WDR37: variants seen among roughly 807,000 people sequenced by gnomAD.
WDR37 encodes the protein WD repeat domain 37.
Under a neutral mutation model 62.9 loss-of-function variants are expected in WDR37, and 19 were observed. The ratio of observed to expected loss-of-function variants is 0.30; its 90% CI spans 0.21 to 0.44. WDR37 has a LOEUF of 0.44. Ranked by LOEUF, WDR37 falls within the 20% of genes least tolerant of loss-of-function variation. The pLI, the probability that WDR37 is intolerant of heterozygous loss-of-function variation, is 1.00. For missense variants in WDR37, 474 were observed against 657.6 expected (o/e 0.72, Z 3.05); for synonymous variants, 250 against 260.9 (o/e 0.96, Z 0.40).
chr10:1,124,971 CTGTT>C lies in WDR37; in HGVS notation c.1303_1306del (p.Phe435IlefsTer66). ...CCCCCATGACAACCGACAAGTGAGA[CTGTT>C]TGATATGTCAGGAGTGCGCCTGGCG... On this transcript the variant is annotated frameshift_variant, in exon 13 of 14. Coordinates refer to ENST00000263150, the MANE Select transcript of WDR37 (RefSeq NM_014023.4). LOFTEE classifies it high-confidence loss of function. 1.9e-6 allele frequency: 3 copies of C among 1,614,234 alleles called. No individual in the cohort carries two copies. Among genetic ancestry groups the C allele is most frequent in the South Asian group, 1.1e-5 (1 of 91,086 alleles).
chr10:1,093,808 C>A (rs899237258), intron 8 of WDR37, among the ~76,000 whole-genome samples: 1 of 152,164 alleles, frequency 6.6e-6, no homozygotes, highest in Non-Finnish European at 1.5e-5. Flanking sequence ...CTCCTTGAGG[C>A]CCTGTGGTTA....
intron 2 of WDR37, 124 bp downstream of exon 2, chr10:1,072,417 T>A: frequency 7.7e-7 from 1 of 1,304,514 alleles, no homozygotes; most frequent in Non-Finnish European, 1.1e-6. Context: ...TGGGTGGAAG[T>A]GATTCTCCTG....
Position 1,080,452 on chromosome 10 carries a change from C to A in WDR37, c.372C>A (p.Thr124=). The A allele has an allele frequency of 1.9e-6, 3 of 1,614,186 alleles. No homozygotes were observed. Among genetic ancestry groups the A allele is most frequent in the Non-Finnish European group, 2.5e-6 (3 of 1,180,028 alleles). ...GCCAGCTCTCCCAGAAACTGAAGAC[C>A]ACTTACAAGGCTTCCACCAGCAAGG... ...STSQLSQKLK[T]TYKASTSKIV... The change falls in exon 5 of 14, where the codon ACC becomes ACA. Residue 124 remains threonine, a synonymous_variant. Coordinates refer to ENST00000263150, the MANE Select transcript of WDR37 (RefSeq NM_014023.4).
At chr10:1,124,197 C>T in intron 11 of WDR37, 21 bp from the exon 12 acceptor site, 1 of 1,614,054 alleles carries the variant, frequency 6.2e-7, no homozygotes. Flanking sequence ...TTGCATCTGA[C>T]TCTGTGCCCT....
In WDR37 at chr10:1,096,610, TA is replaced by T. The variant is rs1347863435; in HGVS notation, c.726+367del. On this transcript the variant is annotated intron_variant, in intron 9 of 13. Transcript: ENST00000263150. ...TCCAGCCTCCAGCACTGTGAGAAAA[TA>T]AATGTCTGTTTTTTATGCGTCGCCC... 2.5e-5 allele frequency: 6 copies of T among 243,288 alleles called. No individual in the cohort carries two copies. In the South Asian group the frequency reaches 4.8e-4, roughly 19 times the overall value. The allele number at this position is 243,288 out of a possible 1,614,324, so 15.1% of individuals were successfully genotyped here.
At chr10:1,078,047 C>G (rs1385614958) in intron 3 of WDR37, 44 bp downstream of exon 3, 2 of 1,433,144 alleles carry the variant, frequency 1.4e-6, no homozygotes, top group East Asian at 4.6e-5. Flanking sequence ...CTTTACCTAT[C>G]CATAGTCAAA....
At chr10:1,115,023 CT>C in intron 11 of WDR37, among the ~76,000 whole-genome samples, 1 of 148,330 alleles carries the variant, frequency 6.7e-6, no homozygotes, top group South Asian at 2.2e-4. Context: ...CCCCATCTCC[CT>C]TTTTTGTTTT....
intron 13 of WDR37, among the ~76,000 whole-genome samples, chr10:1,127,770 G>A (rs532737701): frequency 1.9e-4 from 29 of 152,052 alleles, no homozygotes; most frequent in Admixed American, 3.9e-4. Flanking sequence ...GTGGGGCCCC[G>A]TGCTGAGCGT....
chr10:1,123,311 C>A (rs866239847), intron 11 of WDR37, among the ~76,000 whole-genome samples: 15 of 152,082 alleles, frequency 9.9e-5, no homozygotes, highest in African/African-American at 3.6e-4. Flanking sequence ...TATGTGTGTA[C>A]TTCAGTGGCA....
chr10:1,067,773 T>C (rs1419041368), intron 1 of WDR37, among the ~76,000 whole-genome samples: 5 of 152,158 alleles, frequency 3.3e-5, no homozygotes, highest in African/African-American at 4.8e-5. Flanking sequence ...CTTGCAGGTA[T>C]ACACAGCACT....
At chr10:1,077,374 T>G (rs554733690) in intron 2 of WDR37, among the ~76,000 whole-genome samples, 2 of 152,350 alleles carry the variant, frequency 1.3e-5, no homozygotes, top group East Asian at 3.9e-4. Context: ...GGCTCTTTTT[T>G]GTGAAATTTT....
intron 5 of WDR37, among the ~76,000 whole-genome samples, chr10:1,083,006 A>G (rs1834079482): frequency 6.6e-6 from 1 of 152,222 alleles, no homozygotes; most frequent in African/African-American, 2.4e-5. Flanking sequence ...ATTTACTACA[A>G]TACGGTTATT....
chr10:1,127,110 C>T (rs1053531634), intron 13 of WDR37, among the ~76,000 whole-genome samples: 1 of 152,212 alleles, frequency 6.6e-6, no homozygotes, highest in African/African-American at 2.4e-5. Context: ...TTCTGTGCAG[C>T]ATGTAAAGTT....
rs1360989762 is a variant in WDR37, at chr10:1,056,801, C to T, written c.-208C>T. On this transcript the variant is annotated 5_prime_UTR_variant, in exon 1 of 14. Transcript: ENST00000263150. Reference sequence around the variant, plus strand: ...GGGACTGGGGCGGGACTTCCGGCGACACCGGAAGTGCATTAGCGCCAGGTT... The same window carrying T: ...GGGACTGGGGCGGGACTTCCGGCGATACCGGAAGTGCATTAGCGCCAGGTT... The T allele has an allele frequency of 2.0e-5, 3 of 152,234 alleles. No individual in the cohort carries two copies. The highest frequency in any genetic ancestry group is 2.9e-5 in the Non-Finnish European group (2 of 68,094). 9.4% of individuals were successfully genotyped at this position (152,234 alleles called of 1,614,324 possible). A position where few individuals can be genotyped will look rare whatever the true frequency, so the allele number is the denominator to read the frequency against.
intron 1 of WDR37, among the ~76,000 whole-genome samples, chr10:1,061,398 C>T (rs148970593): frequency 2.6e-3 from 400 of 152,316 alleles, no homozygotes; most frequent in Non-Finnish European, 4.3e-3. Flanking sequence ...ATTTATGCTA[C>T]GCCGGTTGAG....
At chr10:1,066,444 T>TAGGACTTA (rs1833556775) in intron 1 of WDR37, among the ~76,000 whole-genome samples, 3 of 152,166 alleles carry the variant, frequency 2.0e-5, no homozygotes, top group Non-Finnish European at 2.9e-5. Context: ...AGAAAAAACC[T>TAGGACTTA]TGACATGGAG....
intron 8 of WDR37, among the ~76,000 whole-genome samples, chr10:1,094,675 T>TG (rs1834509005): frequency 6.6e-6 from 1 of 152,012 alleles, no homozygotes; most frequent in Non-Finnish European, 1.5e-5. Flanking sequence ...ACCAAAGGGC[T>TG]GGAAAAGAGG....
chr10:1,116,175 A>G (rs1835389411), intron 11 of WDR37, among the ~76,000 whole-genome samples: 1 of 151,956 alleles, frequency 6.6e-6, no homozygotes. Flanking sequence ...TCTGTCCATC[A>G]GTCTTGTATC....
At chr10:1,111,171 A>G (rs1426592282) in intron 11 of WDR37, among the ~76,000 whole-genome samples, 1 of 152,208 alleles carries the variant, frequency 6.6e-6, no homozygotes, top group Non-Finnish European at 1.5e-5. Flanking sequence ...TGTGCTTTTC[A>G]AAGTTTTATC....
Sources: gnomAD v4.1 joint callset for allele counts (sites outside exome capture counted in the v4.1 genomes callset) on GRCh38, gnomAD v4.1.1 for gene constraint, MANE v1.5 for transcripts, NCBI Gene and HGNC (gene_info 2026-07-23, HGNC 2026-07-21) for gene names.